The following TLL1 variants were observed in gnomAD, a reference collection of about 807,000 sequenced individuals.
TLL1 encodes tolloid-like protein 1.
A neutral mutation model predicts 128.2 loss-of-function variants in TLL1; 49 were observed. The ratio of observed to expected loss-of-function variants is 0.38; its 90% CI spans 0.30 to 0.48. The LOEUF (loss-of-function observed/expected upper bound fraction) is 0.48, where lower values mean the gene tolerates loss of function less well. Ranked by LOEUF, TLL1 falls within the 20% of genes least tolerant of loss-of-function variation. The pLI is 0.96. For missense variants in TLL1, 1,123 were observed against 1,242.0 expected (o/e 0.90, Z 1.44); for synonymous variants, 454 against 418.8 (o/e 1.08, Z -1.03).
chr4:166,003,949 G>A (rs1737285514), intron 6 of TLL1, among the ~76,000 whole-genome samples: 1 of 151,860 alleles, frequency 6.6e-6, no homozygotes, highest in African/African-American at 2.4e-5. Flanking sequence ...AAAAGGCCTG[G>A]GGTTTGCCAT....
intron 1 of TLL1, among the ~76,000 whole-genome samples, chr4:165,972,636 C>A (rs2110980365): frequency 6.6e-6 from 1 of 152,270 alleles, no homozygotes; most frequent in Non-Finnish European, 1.5e-5. Flanking sequence ...GTTCTATTAA[C>A]TATCTCATAA....
chr4:166,058,066 C>T (rs1387125845), intron 14 of TLL1, among the ~76,000 whole-genome samples: 2 of 152,084 alleles, frequency 1.3e-5, no homozygotes, highest in Non-Finnish European at 2.9e-5. Flanking sequence ...CACCAGGCCA[C>T]TGTGTTTGTA....
At chr4:166,030,434 AT>A in intron 9 of TLL1, 1 of 564,600 alleles carries the variant, frequency 1.8e-6, no homozygotes, top group South Asian at 2.4e-5. Flanking sequence ...ATTTGCATAT[AT>A]TTTCTCCTCC....
chr4:165,912,894 A>AG (rs1732603020), intron 1 of TLL1, among the ~76,000 whole-genome samples: 1 of 152,102 alleles, frequency 6.6e-6, no homozygotes, highest in South Asian at 2.1e-4. Flanking sequence ...ATAGAAAGAA[A>AG]AAAAAAAAGC....
chr4:165,994,174 A>G (rs1463915344), intron 3 of TLL1, among the ~76,000 whole-genome samples: 1 of 152,186 alleles, frequency 6.6e-6, no homozygotes, highest in Non-Finnish European at 1.5e-5. Context: ...ACATTAAGAT[A>G]TAGTATTTTG....
intron 1 of TLL1, among the ~76,000 whole-genome samples, chr4:165,955,393 C>T (rs1734736069): frequency 6.6e-6 from 1 of 151,802 alleles, no homozygotes; most frequent in African/African-American, 2.4e-5. Flanking sequence ...TGAAAATTTC[C>T]CTAGTCTCAC....
intron 16 of TLL1, among the ~76,000 whole-genome samples, chr4:166,071,286 C>G (rs1191827994): frequency 2.0e-5 from 3 of 151,810 alleles, no homozygotes; most frequent in African/African-American, 7.3e-5. Flanking sequence ...CATTCATAGA[C>G]TGATGACCTC....
chr4:166,059,495 A>G (rs1377076098), intron 14 of TLL1, among the ~76,000 whole-genome samples: 1 of 152,132 alleles, frequency 6.6e-6, no homozygotes, highest in Non-Finnish European at 1.5e-5. Context: ...ACCATAATTT[A>G]TCTTGTCTGG....
rs146176755 is a variant in TLL1, at chr4:165,930,160, A to G, written c.169+56087A>G. 5.2e-3 allele frequency among the ~76,000 whole-genome samples: 790 copies of G among 152,270 alleles called. 4 individuals carry two copies. Among genetic ancestry groups the G allele is most frequent in the Non-Finnish European group, 7.5e-3 (507 of 68,006 alleles). On this transcript the variant is annotated intron_variant, in intron 1 of 20. Transcript: ENST00000061240. ...GCTAAGGGGGAATGTTCAGAAATCA[A>G]GGTCTGGGTGCATTCTCCCAGAAAT... is the stretch of plus-strand genomic sequence containing the variant.
rs114215102 is a variant in TLL1 at position 166,099,485 on chromosome 4, T to C, written c.2865T>C (p.Leu955=). 3.7e-6 allele frequency: 6 copies of C among 1,613,462 alleles called. No homozygotes were observed. In the South Asian group the frequency reaches 4.4e-5, roughly 12 times the overall value. ...ACTATGTGGAGCTCTTTGATGGTCTTGATTCAACAGCTGTGGGGCTTGGTC... is the reference window on the plus strand; with the variant it reads ...ACTATGTGGAGCTCTTTGATGGTCTCGATTCAACAGCTGTGGGGCTTGGTC... ...GYDYVELFDG[L]DSTAVGLGRF... Residue 955 remains leucine, a synonymous_variant, in exon 20 of 21, where the codon CTT becomes CTC. Coordinates refer to ENST00000061240, the MANE Select transcript of TLL1 (RefSeq NM_012464.5).
intron 1 of TLL1, among the ~76,000 whole-genome samples, chr4:165,922,891 C>A (rs751419661): frequency 6.6e-6 from 1 of 152,162 alleles, no homozygotes; most frequent in Non-Finnish European, 1.5e-5. Context: ...TTGTGAAAAT[C>A]AGTCTCTGAT....
chr4:166,100,739 C>T lies in TLL1; in HGVS notation c.2908-3C>T. On this transcript the variant is annotated splice_region_variant and splice_polypyrimidine_tract_variant and intron_variant, in intron 20 of 20. Transcript: ENST00000061240. ...CTTGCTTGTTGTTTTTGTTTTCCTT[C>T]AGCCACCAGAAGAGATTTATTCAAT... 1 of 1,612,696 alleles carries T rather than the reference C, an allele frequency of 6.2e-7. No individual in the cohort carries two copies. The highest frequency in any genetic ancestry group is 8.5e-7 in the Non-Finnish European group (1 of 1,179,104).
chr4:166,078,500 G>A (rs1405721839), intron 18 of TLL1, among the ~76,000 whole-genome samples: 1 of 152,048 alleles, frequency 6.6e-6, no homozygotes, highest in Non-Finnish European at 1.5e-5. Context: ...TATTATTTTT[G>A]CATGATGTAT....
rs181123290 is a variant in TLL1 at position 165,964,928 on chromosome 4, C to A, written c.170-24453C>A. 4.9e-3 allele frequency among the ~76,000 whole-genome samples: 751 copies of A among 151,898 alleles called. 5 individuals carry two copies. Among genetic ancestry groups the A allele is most frequent in the Non-Finnish European group, 5.5e-3 (371 of 67,956 alleles). On this transcript the variant is annotated intron_variant, in intron 1 of 20. Transcript: ENST00000061240. ...CTCCAGACTGAGTGACAGAGTAAGA[C>A]CGTGTCTCAAAAATAAATAAATAAG...
intron 1 of TLL1, among the ~76,000 whole-genome samples, chr4:165,925,980 C>T (rs138111721): frequency 1.3e-5 from 2 of 152,206 alleles, no homozygotes; most frequent in East Asian, 1.9e-4. Flanking sequence ...TTCTATTGCA[C>T]ACTTAATAGA....
Position 165,998,366 on chromosome 4 carries a change from A to G in TLL1, c.632+3188A>G, listed in dbSNP as rs997333843. On this transcript the variant is annotated intron_variant, in intron 5 of 20. Transcript: ENST00000061240. ...TTGTGGAACAATCTTACTTTTTTTA[A>G]TCTACTTATCTTTAATGATTGCCAA... Among the ~76,000 whole-genome samples the G allele has an allele frequency of 7.2e-5, 11 of 152,162 alleles. No individual in the cohort carries two copies. The East Asian group carries it at 2.1e-3, about 29-fold the overall frequency.
intron 18 of TLL1, 64 bp downstream of exon 18, chr4:166,078,094 T>A (rs1741118825): frequency 1.2e-6 from 2 of 1,605,720 alleles, no homozygotes; most frequent in Admixed American, 1.7e-5. Context: ...CTACAAGCAC[T>A]TGGAAATAAA....
chr4:166,013,347 G>T (rs1737788326), intron 7 of TLL1, among the ~76,000 whole-genome samples: 1 of 151,750 alleles, frequency 6.6e-6, no homozygotes, highest in Admixed American at 6.6e-5. Flanking sequence ...TTTATTTACT[G>T]CTACAAATCC....
intron 19 of TLL1, among the ~76,000 whole-genome samples, chr4:166,092,700 G>T (rs1741827951): frequency 6.6e-6 from 1 of 150,386 alleles, no homozygotes; most frequent in Admixed American, 6.7e-5. Context: ...TGTTTAAATA[G>T]CTGATGATAT....
Sources: gnomAD v4.1 joint callset for allele counts (sites outside exome capture counted in the v4.1 genomes callset) on GRCh38, gnomAD v4.1.1 for gene constraint, MANE v1.5 for transcripts, NCBI Gene and HGNC (gene_info 2026-07-23, HGNC 2026-07-21) for gene names.